Variants in REEP1 observed in about 807,000 individuals in gnomAD.
REEP1 encodes the protein receptor accessory protein 1.
A neutral mutation model predicts 40.3 loss-of-function variants in REEP1; 22 were observed. The ratio of observed to expected loss-of-function variants is 0.55; its 90% CI spans 0.39 to 0.78. REEP1 has a LOEUF of 0.78. REEP1 is among the 30% of genes least tolerant of loss of function. The probability of loss-of-function intolerance (pLI) is 0.00; values close to 1 mark genes in which losing one functional copy is unlikely to be tolerated. For missense variants in REEP1, 280 were observed against 361.1 expected, an observed-to-expected ratio of 0.78 and a Z score of 1.82; for synonymous variants, 116 against 139.2, an observed-to-expected ratio of 0.83 and a Z score of 1.17.
chr2:86,287,783 C>T (rs901858823), intron 1 of REEP1, among the ~76,000 whole-genome samples: 1 of 152,072 alleles, frequency 6.6e-6, no homozygotes, highest in East Asian at 1.9e-4. Context: ...CCTTTTCCTC[C>T]TCCCCAAAAC....
rs575796781 is a variant in REEP1 at position 86,293,297 on chromosome 2, G to A, written c.33-11055C>T. Among the ~76,000 whole-genome samples, 169 of 152,284 alleles carry A rather than the reference G, an allele frequency of 1.1e-3. 2 individuals carry two copies. Among genetic ancestry groups the A allele is most frequent in the Non-Finnish European group, 1.5e-3 (101 of 68,026 alleles). ...TCTTCAGGGAAGTCACAACATGGCCGGGGTGCCAGGTGTATCAGAACAAGA... is the reference window on the plus strand; with the variant it reads ...TCTTCAGGGAAGTCACAACATGGCCAGGGTGCCAGGTGTATCAGAACAAGA... On this transcript the variant is annotated intron_variant, in intron 1 of 8. Transcript: ENST00000538924.
chr2:86,217,032 A>G lies in REEP1; in HGVS notation c.*7T>C. 9 of 1,612,768 alleles carry G rather than the reference A, an allele frequency of 5.6e-6. No individual in the cohort carries two copies. Among genetic ancestry groups the G allele is most frequent in the Non-Finnish European group, 7.6e-6 (9 of 1,178,774 alleles). ...TCTGTGGATCCGGTGCTGTTGGCTCATCTCACTCACGTGGTTTCGGTGGCC... is the reference window on the plus strand; with the variant it reads ...TCTGTGGATCCGGTGCTGTTGGCTCGTCTCACTCACGTGGTTTCGGTGGCC... On this transcript the variant is annotated 3_prime_UTR_variant, in exon 9 of 9. Transcript: ENST00000538924.
At chr2:86,267,049 T>A (rs982265432) in intron 2 of REEP1, among the ~76,000 whole-genome samples, 3 of 151,046 alleles carry the variant, frequency 2.0e-5, no homozygotes, top group Admixed American at 6.6e-5. Context: ...ACTAAAAAAT[T>A]TACTGGGAGG....
At chr2:86,255,620 C>T (rs1397708265) in intron 3 of REEP1, among the ~76,000 whole-genome samples, 3 of 152,168 alleles carry the variant, frequency 2.0e-5, no homozygotes, top group African/African-American at 7.2e-5. Flanking sequence ...GACCTGATTC[C>T]TGCCCTCATG....
chr2:86,302,370 T>C (rs1679291862), intron 1 of REEP1, among the ~76,000 whole-genome samples: 1 of 152,354 alleles, frequency 6.6e-6, no homozygotes, highest in East Asian at 1.9e-4. Flanking sequence ...TTCGGTTTTT[T>C]GCTTCTATCT....
Position 86,335,850 on chromosome 2 carries a change from CAAAAAAA to C in REEP1, c.32+1622_32+1628del, listed in dbSNP as rs5832681. On this transcript the variant is annotated intron_variant, in intron 1 of 8. Coordinates refer to ENST00000538924, the MANE Select transcript of REEP1 (RefSeq NM_001371279.1). The stretch of plus-strand genomic sequence containing the variant: ...TGGGCGACAGAGCGAGACTCGGTCT[CAAAAAAA>C]AAAAAAAAAAAAGGGCAGGGGTGAG... 5.0e-5 allele frequency among the ~76,000 whole-genome samples: 4 copies of C among 80,590 alleles called. No individual in the cohort carries two copies. In the South Asian group the frequency reaches 1.8e-3, roughly 36 times the overall value. 52.9% of individuals were successfully genotyped at this position (80,590 alleles called of 152,430 possible).
At chr2:86,225,309 T>A (rs1238622446) in intron 7 of REEP1, among the ~76,000 whole-genome samples, 1 of 152,212 alleles carries the variant, frequency 6.6e-6, no homozygotes, top group Non-Finnish European at 1.5e-5. Context: ...TTCACTCTTG[T>A]TGCCCAGGCT....
At chr2:86,331,048 C>A (rs1228755822) in intron 1 of REEP1, among the ~76,000 whole-genome samples, 1 of 152,196 alleles carries the variant, frequency 6.6e-6, no homozygotes, top group African/African-American at 2.4e-5. Flanking sequence ...CAACCAGAAC[C>A]AAGATTCTCT....
chr2:86,306,499 T>A (rs1679484896), intron 1 of REEP1, among the ~76,000 whole-genome samples: 1 of 152,074 alleles, frequency 6.6e-6, no homozygotes, highest in African/African-American at 2.4e-5. Context: ...TACTCATCCA[T>A]CAGAAAAAAA....
At chr2:86,292,572 C>T (rs1194883468) in intron 1 of REEP1, among the ~76,000 whole-genome samples, 1 of 152,174 alleles carries the variant, frequency 6.6e-6, no homozygotes, top group Admixed American at 6.5e-5. Context: ...TGCTCCCCTC[C>T]CCAGACCTCA....
At chr2:86,278,047 G>A (rs1032948218) in intron 2 of REEP1, among the ~76,000 whole-genome samples, 2 of 152,060 alleles carry the variant, frequency 1.3e-5, no homozygotes, top group African/African-American at 4.8e-5. Flanking sequence ...GGTCTCCTTT[G>A]AACACCTTAC....
In REEP1 at chr2:86,268,708, C is replaced by G. The variant is rs374039191; in HGVS notation, c.106-4667G>C. 8.5e-5 allele frequency among the ~76,000 whole-genome samples: 13 copies of G among 152,200 alleles called. No individual in the cohort carries two copies. In the South Asian group the frequency reaches 1.5e-3, roughly 17 times the overall value. ...GAAGAACAACATTGAAAGACTAAAGCTATCAGATTTCAAAACTTAATGTAA... is the reference window on the plus strand; with the variant it reads ...GAAGAACAACATTGAAAGACTAAAGGTATCAGATTTCAAAACTTAATGTAA... On this transcript the variant is annotated intron_variant, in intron 2 of 8. Transcript: ENST00000538924.
rs531482968 is a variant in REEP1, at chr2:86,266,656, A to C, written c.106-2615T>G. On this transcript the variant is annotated intron_variant, in intron 2 of 8. Transcript: ENST00000538924. ...ATAAAAATAAAAATAAAAATAAAAA[A>C]AATAAAATAAATAAATAAATAAATA... is the stretch of plus-strand genomic sequence containing the variant. Among the ~76,000 whole-genome samples the C allele has an allele frequency of 3.5e-3, 518 of 147,896 alleles. 2 individuals are homozygous for C. Among genetic ancestry groups the C allele is most frequent in the Non-Finnish European group, 4.5e-3 (301 of 67,584 alleles).
At chr2:86,309,505 A>C (rs1426151216) in intron 1 of REEP1, among the ~76,000 whole-genome samples, 1 of 152,242 alleles carries the variant, frequency 6.6e-6, no homozygotes, top group Non-Finnish European at 1.5e-5. Flanking sequence ...CTGCCTCTTG[A>C]ATTCGTCAGC....
chr2:86,315,112 T>G (rs1679933495), intron 1 of REEP1, among the ~76,000 whole-genome samples: 1 of 151,812 alleles, frequency 6.6e-6, no homozygotes, highest in Non-Finnish European at 1.5e-5. Context: ...TCTAAGAGGG[T>G]GTATCTAGCT....
At chr2:86,270,551 C>T (rs1164058980) in intron 2 of REEP1, among the ~76,000 whole-genome samples, 1 of 151,966 alleles carries the variant, frequency 6.6e-6, no homozygotes, top group Non-Finnish European at 1.5e-5. Flanking sequence ...AATGTGAATA[C>T]AATGAGTGGA....
At chr2:86,286,430 G>A (rs35762338) in intron 1 of REEP1, among the ~76,000 whole-genome samples, 52,002 of 151,992 alleles carry the variant, frequency 0.34, 9,836 homozygotes, top group Middle Eastern at 0.45. Flanking sequence ...TGTCAATTGT[G>A]CCACTGCTGA....
At chr2:86,307,725 G>A (rs1480534872) in intron 1 of REEP1, among the ~76,000 whole-genome samples, 3 of 149,734 alleles carry the variant, frequency 2.0e-5, no homozygotes, top group African/African-American at 4.9e-5. Flanking sequence ...GCAAGACTCC[G>A]TCTCAAAAAA....
At chr2:86,307,901 C>T (rs1466900269) in intron 1 of REEP1, among the ~76,000 whole-genome samples, 1 of 152,174 alleles carries the variant, frequency 6.6e-6, no homozygotes, top group Non-Finnish European at 1.5e-5. Flanking sequence ...GAAAGATTCT[C>T]TACAATGTTA....
Sources: gnomAD v4.1 joint callset for allele counts (sites outside exome capture counted in the v4.1 genomes callset) on GRCh38, gnomAD v4.1.1 for gene constraint, MANE v1.5 for transcripts, NCBI Gene and HGNC (gene_info 2026-07-23, HGNC 2026-07-21) for gene names.